SGCD: variants seen among roughly 807,000 people sequenced by gnomAD.
The protein encoded by SGCD is delta-sarcoglycan.
A neutral mutation model predicts 36.6 loss-of-function variants in SGCD; 18 were observed. That is an observed-to-expected ratio of 0.49 (90% confidence interval 0.34 to 0.73). The LOEUF (loss-of-function observed/expected upper bound fraction) is 0.73, where lower values mean the gene tolerates loss of function less well. Among genes scored for constraint, SGCD ranks in the 30% least tolerant of loss-of-function variants. SGCD has a pLI of 0.01. For missense variants in SGCD, 387 were observed against 346.7 expected, an observed-to-expected ratio of 1.12 and a Z score of -0.92; for synonymous variants, 133 against 130.6, an observed-to-expected ratio of 1.02 and a Z score of -0.12.
intron 3 of SGCD, among the ~76,000 whole-genome samples, chr5:156,156,426 C>G (rs769511100): frequency 1.3e-5 from 2 of 151,448 alleles, no homozygotes; most frequent in African/African-American, 4.9e-5. Flanking sequence ...GTCAGGAATT[C>G]GAGATCAGCC....
intron 3 of SGCD, among the ~76,000 whole-genome samples, chr5:156,273,691 A>G (rs1450060268): frequency 1.3e-5 from 2 of 152,154 alleles, no homozygotes; most frequent in Non-Finnish European, 2.9e-5. Flanking sequence ...CACTTTCAAA[A>G]TTTGGCTTTA....
At chr5:156,640,862 T>A (rs914267895) in intron 6 of SGCD, among the ~76,000 whole-genome samples, 4 of 152,210 alleles carry the variant, frequency 2.6e-5, no homozygotes, top group Admixed American at 6.5e-5. Flanking sequence ...GTTTATTAAA[T>A]GCCAGCAGCA....
At chr5:155,808,208 T>G in the SGCD span, among the ~76,000 whole-genome samples, 5 of 152,332 alleles carry the variant, frequency 3.3e-5, no homozygotes, top group East Asian at 9.6e-4. Context: ...CGTCTTGATT[T>G]TGTGATTTAT....
At chr5:156,399,988 C>G (rs1772058460) in intron 3 of SGCD, among the ~76,000 whole-genome samples, 1 of 152,116 alleles carries the variant, frequency 6.6e-6, no homozygotes, top group Non-Finnish European at 1.5e-5. Flanking sequence ...AATAGGTATT[C>G]CATAGAGTCT....
chr5:155,825,739 T>TTTTTG, the SGCD span, among the ~76,000 whole-genome samples: 1 of 144,688 alleles, frequency 6.9e-6, no homozygotes, highest in Non-Finnish European at 1.5e-5. Flanking sequence ...TTTTTTTTTT[T>TTTTTG]TTGTTGTTGT....
At chr5:156,326,993 G>C (rs1382301887), upstream of SGCD, 1 of 152,284 alleles carries the variant, frequency 6.6e-6, no homozygotes, top group African/African-American at 2.4e-5. Flanking sequence ...ATTGAAGTAC[G>C]GAGTACGGTT....
intron 1 of SGCD, among the ~76,000 whole-genome samples, chr5:156,070,404 T>G (rs1370927749): frequency 6.6e-6 from 1 of 151,492 alleles, no homozygotes; most frequent in Non-Finnish European, 1.5e-5. Flanking sequence ...GGTTTTTGTC[T>G]TTGGTTCTGT....
At chr5:156,486,355 C>CA (rs201951196) in intron 3 of SGCD, among the ~76,000 whole-genome samples, 2,881 of 152,184 alleles carry the variant, frequency 0.019, 32 homozygotes, top group Non-Finnish European at 0.031. Flanking sequence ...TGGGCACTTC[C>CA]AAAAACATCA....
chr5:156,069,013 C>A (rs1377962268), intron 1 of SGCD, among the ~76,000 whole-genome samples: 3 of 152,048 alleles, frequency 2.0e-5, no homozygotes, highest in Non-Finnish European at 4.4e-5. Context: ...ATTGTAGATT[C>A]TGGATATTAG....
At chr5:156,693,611 T>C (rs911134877) in intron 7 of SGCD, among the ~76,000 whole-genome samples, 42 of 152,248 alleles carry the variant, frequency 2.8e-4, no homozygotes, top group African/African-American at 6.3e-4. Flanking sequence ...CTGTTCAACA[T>C]AGTGTAGTGA....
chr5:156,687,814 AC>A (rs1205445565), intron 7 of SGCD, among the ~76,000 whole-genome samples: 1 of 152,192 alleles, frequency 6.6e-6, no homozygotes, highest in African/African-American at 2.4e-5. Flanking sequence ...CAAGCTGATC[AC>A]CATGTTGCTG....
At chr5:156,416,008 C>A (rs1289938011) in intron 3 of SGCD, among the ~76,000 whole-genome samples, 1 of 152,148 alleles carries the variant, frequency 6.6e-6, no homozygotes, top group African/African-American at 2.4e-5. Flanking sequence ...TCTCTTAGAG[C>A]AATTACAGTT....
chr5:155,750,675 C>T, the SGCD span, among the ~76,000 whole-genome samples: 4 of 152,252 alleles, frequency 2.6e-5, no homozygotes, highest in Non-Finnish European at 4.4e-5. Flanking sequence ...TTAAAAAGTA[C>T]ATTACATTTA....
At chr5:155,905,768 CA>C (rs1756494684) in intron 1 of SGCD, among the ~76,000 whole-genome samples, 1 of 152,010 alleles carries the variant, frequency 6.6e-6, no homozygotes, top group Non-Finnish European at 1.5e-5. Flanking sequence ...ATGGGTTTAT[CA>C]GGGGTTTCTG....
At chr5:156,051,693 T>C (rs1759919806) in intron 1 of SGCD, among the ~76,000 whole-genome samples, 1 of 145,588 alleles carries the variant, frequency 6.9e-6, no homozygotes, top group Non-Finnish European at 1.5e-5. Flanking sequence ...AGTAAAAAAC[T>C]AAACAAACAA....
intron 7 of SGCD, among the ~76,000 whole-genome samples, chr5:156,656,371 A>G (rs145473621): frequency 4.6e-5 from 7 of 152,264 alleles, no homozygotes; most frequent in Non-Finnish European, 7.4e-5. Flanking sequence ...ATAATGGAGA[A>G]TTACAAAATC....
intron 3 of SGCD, among the ~76,000 whole-genome samples, chr5:156,302,816 C>CA (rs1219190213): frequency 2.0e-5 from 3 of 152,150 alleles, no homozygotes; most frequent in African/African-American, 7.2e-5. Context: ...TTCTCCTAGA[C>CA]AAATAGAGTC....
At chr5:156,572,062 G>A (rs1759746333) in intron 4 of SGCD, among the ~76,000 whole-genome samples, 1 of 152,170 alleles carries the variant, frequency 6.6e-6, no homozygotes, top group Non-Finnish European at 1.5e-5. Context: ...GTTCATCCAT[G>A]CTGTAGCATG....
chr5:156,035,672 C>G (rs1308054434), intron 1 of SGCD, among the ~76,000 whole-genome samples: 1 of 152,084 alleles, frequency 6.6e-6, no homozygotes, highest in African/African-American at 2.4e-5. Flanking sequence ...TTAGGTGGTT[C>G]TCTAATGGCA....
Sources: allele counts gnomAD v4.1 joint callset (sites outside exome capture counted in the v4.1 genomes callset), GRCh38; gene constraint gnomAD v4.1.1; transcripts MANE v1.5; gene names NCBI Gene and HGNC (gene_info 2026-07-23, HGNC 2026-07-21).